Variants in PDGFRA observed in about 807,000 individuals in gnomAD.
PDGFRA encodes the protein platelet derived growth factor receptor alpha.
PDGFRA carries 25 observed loss-of-function variants against 121.5 expected under a neutral mutation model. The observed-to-expected ratio is 0.21, with a 90% CI of 0.15 to 0.29. PDGFRA has a LOEUF of 0.29. Ranked by LOEUF, PDGFRA falls within the 10% of genes least tolerant of loss-of-function variation. The pLI, the probability that PDGFRA is intolerant of heterozygous loss-of-function variation, is 1.00. For synonymous variants in PDGFRA, 463 were observed against 494.8 expected, an observed-to-expected ratio of 0.94 and a Z score of 0.85; for missense variants, 1,008 against 1,345.1, an observed-to-expected ratio of 0.75 and a Z score of 3.92.
chr4:54,266,849 G>T (rs1042676314), intron 5 of PDGFRA, among the ~76,000 whole-genome samples: 4 of 152,052 alleles, frequency 2.6e-5, no homozygotes, highest in Non-Finnish European at 5.9e-5. Flanking sequence ...AGGTGTGGTG[G>T]CATGAGCCTG....
Position 54,265,283 on chromosome 4 carries a change from C to T in PDGFRA, c.759+234C>T, listed in dbSNP as rs7688997. On this transcript the variant is annotated intron_variant, in intron 5 of 22. Coordinates refer to ENST00000257290, the MANE Select transcript of PDGFRA (RefSeq NM_006206.6). ...CCTTCAGAATACATAAAGAGTGTGC[C>T]GTAAGCCTTCTTTTTCAGAAGTCAG... 4.8e-5 allele frequency: 23 copies of T among 480,638 alleles called. No homozygotes were observed. The East Asian group carries it at 7.2e-4, about 15-fold the overall frequency. 29.8% of individuals were successfully genotyped at this position (480,638 alleles called of 1,614,324 possible). A position where few individuals can be genotyped will look rare whatever the true frequency, so the allele number is the denominator to read the frequency against.
At chr4:54,288,231 G>A (rs917342096) in intron 19 of PDGFRA, among the ~76,000 whole-genome samples, 12 of 152,204 alleles carry the variant, frequency 7.9e-5, no homozygotes, top group Non-Finnish European at 1.8e-4. Context: ...CCTGGCCTTG[G>A]CTTTGAAAGT....
At chr4:54,242,860 G>GA (rs1721383577) in intron 1 of PDGFRA, among the ~76,000 whole-genome samples, 1 of 152,130 alleles carries the variant, frequency 6.6e-6, no homozygotes, top group African/African-American at 2.4e-5. Context: ...TAAGCAGAGA[G>GA]TTCTCCCTCA....
In PDGFRA at chr4:54,280,375, C is replaced by A; in HGVS notation, c.2216C>A (p.Thr739Asn). 6.2e-7 allele frequency: 1 copy of A among 1,612,298 alleles called. No homozygotes were observed. Among genetic ancestry groups the A allele is most frequent in the Non-Finnish European group, 8.5e-7 (1 of 1,178,298 alleles). ...GDYMDMKQAD[T>N]TQYVPMLERK... is the part of the protein sequence containing the mutation. The stretch of plus-strand genomic sequence containing the variant: ...TACATGGACATGAAGCAGGCTGATA[C>A]TACACAGTATGTCCCCATGCTAGAA... Residue 739 changes from threonine to asparagine, a missense_variant, in exon 16 of 23, where the codon ACT becomes AAT. By Grantham distance (65) the Thr-to-Asn change is moderately conservative (BLOSUM62 0). Around this residue, in one of 5 missense-constraint regions of PDGFRA, gnomAD observed 128 missense variants for 147.6 expected, o/e 0.87. Transcript: ENST00000257290.
At chr4:54,271,263 C>A (rs564426973) in intron 8 of PDGFRA, among the ~76,000 whole-genome samples, 1 of 152,188 alleles carries the variant, frequency 6.6e-6, no homozygotes, top group Non-Finnish European at 1.5e-5. Flanking sequence ...AGGCTCAGCA[C>A]CTATCCAGAG....
chr4:54,290,681 A>C lies in PDGFRA; in HGVS notation c.3122+127A>C, dbSNP rs1724586626. ...ATATGTACTCAGGGACAAGTTGCAG[A>C]ATCCTCAGGAGGTCCACGTGGTTTT... On this transcript the variant is annotated intron_variant, in intron 22 of 22. Coordinates refer to ENST00000257290, the MANE Select transcript of PDGFRA (RefSeq NM_006206.6). The C allele has an allele frequency of 2.8e-6, 3 of 1,058,196 alleles. No individual in the cohort carries two copies. In the Admixed American group the frequency reaches 5.2e-5, roughly 18 times the overall value. 65.6% of individuals were successfully genotyped at this position (1,058,196 alleles called of 1,614,324 possible).
intron 15 of PDGFRA, 49 bp from the exon 16 acceptor site, chr4:54,280,267 C>A (rs2110322746): frequency 2.8e-6 from 4 of 1,432,428 alleles, no homozygotes; most frequent in Non-Finnish European, 3.9e-6. Context: ...AGTGGAATGA[C>A]CACTTCAGAA....
Position 54,290,693 on chromosome 4 carries a change from G to A in PDGFRA, c.3122+139G>A. 4 of 954,710 alleles carry A rather than the reference G, an allele frequency of 4.2e-6. No homozygotes were observed. The Admixed American group carries it at 7.3e-5, about 17-fold the overall frequency. 59.1% of individuals were successfully genotyped at this position (954,710 alleles called of 1,614,324 possible). On this transcript the variant is annotated intron_variant, in intron 22 of 22. Coordinates refer to ENST00000257290, the MANE Select transcript of PDGFRA (RefSeq NM_006206.6). ...GGACAAGTTGCAGAATCCTCAGGAG[G>A]TCCACGTGGTTTTGAAAATGCTTCC...
chr4:54,233,094 G>A (rs1375232066), intron 1 of PDGFRA, among the ~76,000 whole-genome samples: 1 of 152,068 alleles, frequency 6.6e-6, no homozygotes, highest in African/African-American at 2.4e-5. Flanking sequence ...CCCCCTCTCG[G>A]GTCTCAGTTG....
At chr4:54,234,681 C>T (rs1167721981) in intron 1 of PDGFRA, among the ~76,000 whole-genome samples, 1 of 152,012 alleles carries the variant, frequency 6.6e-6, no homozygotes, top group Admixed American at 6.6e-5. Context: ...ATCTTATTAT[C>T]AGAGCTGGCC....
At chr4:54,281,042 G>T (rs987612598) in intron 16 of PDGFRA, among the ~76,000 whole-genome samples, 1 of 152,182 alleles carries the variant, frequency 6.6e-6, no homozygotes, top group African/African-American at 2.4e-5. Context: ...TTCTGGACCA[G>T]TGTTTCTGTT....
At chr4:54,245,141 T>G (rs1158565178) in intron 1 of PDGFRA, among the ~76,000 whole-genome samples, 4 of 152,160 alleles carry the variant, frequency 2.6e-5, no homozygotes, top group Admixed American at 1.3e-4. Flanking sequence ...TGGAAAACAC[T>G]CTGCAGGATA....
chr4:54,229,532 T>C (rs1250464635), intron 1 of PDGFRA, 117 bp downstream of exon 1: 1 of 389,738 alleles, frequency 2.6e-6, no homozygotes, highest in African/African-American at 2.1e-5. Context: ...AAAAAGGAGC[T>C]GGATTCCAGT....
rs758808469 is a variant in PDGFRA, at chr4:54,274,805, G to A, written c.1654-36G>A. The A allele has an allele frequency of 9.9e-6, 16 of 1,612,694 alleles. No homozygotes were observed. The Admixed American group carries it at 1.8e-4, about 18-fold the overall frequency. On this transcript the variant is annotated intron_variant, in intron 11 of 22. Coordinates refer to ENST00000257290, the MANE Select transcript of PDGFRA (RefSeq NM_006206.6). ...TGAAGCTCTGGTGCACTGGGACTTT[G>A]GTAATTCACCAGTTACCTGTCCTGG...
intron 1 of PDGFRA, among the ~76,000 whole-genome samples, chr4:54,256,890 C>T (rs1481530195): frequency 6.6e-6 from 1 of 151,984 alleles, no homozygotes; most frequent in African/African-American, 2.4e-5. Flanking sequence ...GTGGTGCAGG[C>T]CTGTAGTCCC....
chr4:54,287,657 G>A, intron 19 of PDGFRA, 116 bp downstream of exon 19: 1 of 734,230 alleles, frequency 1.4e-6, no homozygotes, highest in South Asian at 1.4e-5. Context: ...TGTGAGGCCA[G>A]TATGCTGCAG....
chr4:54,272,372 G>T, intron 8 of PDGFRA, 22 bp from the exon 9 acceptor site: 1 of 1,613,694 alleles, frequency 6.2e-7, no homozygotes, highest in South Asian at 1.1e-5. Context: ...ATTCCATTCT[G>T]ACTTCTTTCT....
At chr4:54,275,524 G>T (rs1241904004) in intron 12 of PDGFRA, among the ~76,000 whole-genome samples, 1 of 152,206 alleles carries the variant, frequency 6.6e-6, no homozygotes, top group African/African-American at 2.4e-5. Context: ...TTTAGTCCAA[G>T]GGAGTATTTC....
At chr4:54,281,786 C>A in intron 16 of PDGFRA, 1 of 1,313,594 alleles carries the variant, frequency 7.6e-7, no homozygotes, top group Non-Finnish European at 9.9e-7. Flanking sequence ...CCTCGAAAAC[C>A]CTGGGACCCT....
Sources: allele counts gnomAD v4.1 joint callset (sites outside exome capture counted in the v4.1 genomes callset), GRCh38; gene constraint gnomAD v4.1.1; regional missense constraint gnomAD v4.1.1; transcripts MANE v1.5; gene names NCBI Gene and HGNC (gene_info 2026-07-23, HGNC 2026-07-21).